RNF130: variants seen among roughly 807,000 people sequenced by gnomAD.
RNF130 encodes ring finger protein 130, also known as E3 ubiquitin-protein ligase RNF130.
In RNF130, 21 loss-of-function variants were observed where a neutral mutation model predicts 44.6. That is an observed-to-expected ratio of 0.47 (90% confidence interval 0.33 to 0.68). The LOEUF (loss-of-function observed/expected upper bound fraction) is 0.68. Among genes scored for constraint, RNF130 ranks in the 30% least tolerant of loss-of-function variants. The pLI, the probability that RNF130 is intolerant of heterozygous loss-of-function variation, is 0.02. For missense variants in RNF130, 479 were observed against 560.6 expected (o/e 0.85, Z 1.47); for synonymous variants, 214 against 210.4 (o/e 1.02, Z -0.15).
chr5:180,023,367 C>T (rs1257583593), intron 2 of RNF130, among the ~76,000 whole-genome samples: 3 of 152,178 alleles, frequency 2.0e-5, no homozygotes, highest in African/African-American at 7.2e-5. Context: ...TTTAATACCA[C>T]TCTCCAATAA....
In RNF130 at chr5:180,040,550, A is replaced by C; in HGVS notation, c.345T>G (p.Phe115Leu). 6.2e-7 allele frequency: 1 copy of C among 1,614,224 alleles called. No individual in the cohort carries two copies. Among genetic ancestry groups the C allele is most frequent in the Non-Finnish European group, 8.5e-7 (1 of 1,180,032 alleles). ...AAGCGGCCCGTGATATTTTCTCTTT[A>C]AACGTGCAGTTTCCCCTCTGCAGCA... ...IALLQRGNCTFKEKISRAAFH... is the reference protein window; with the variant it reads ...IALLQRGNCTLKEKISRAAFH... Residue 115 changes from phenylalanine to leucine, a missense_variant, in exon 2 of 9, where the codon TTT (phenylalanine) becomes TTG (leucine). Coordinates refer to ENST00000521389, the MANE Select transcript of RNF130 (RefSeq NM_018434.6).
intron 3 of RNF130, among the ~76,000 whole-genome samples, chr5:180,002,408 A>G (rs1454183476): frequency 6.6e-6 from 1 of 152,146 alleles, no homozygotes; most frequent in Non-Finnish European, 1.5e-5. Context: ...GACAAAGGGG[A>G]GCCATGACTA....
intron 3 of RNF130, among the ~76,000 whole-genome samples, chr5:179,992,755 A>T (rs1456285320): frequency 2.0e-5 from 3 of 152,144 alleles, no homozygotes; most frequent in Non-Finnish European, 4.4e-5. Context: ...TTTAAGTTCT[A>T]GGGTACATGT....
At chr5:180,015,913 AAT>A (rs1299292317) in intron 2 of RNF130, among the ~76,000 whole-genome samples, 1 of 152,248 alleles carries the variant, frequency 6.6e-6, no homozygotes, top group Non-Finnish European at 1.5e-5. Context: ...TCCATTCAAC[AAT>A]ATTTATTGAG....
chr5:179,942,452 A>G (rs1291839899), intron 7 of RNF130, among the ~76,000 whole-genome samples: 1 of 152,122 alleles, frequency 6.6e-6, no homozygotes, highest in African/African-American at 2.4e-5. Flanking sequence ...TGGAAAATCT[A>G]TAGTATTATA....
At chr5:179,929,474 G>A (rs1040183142) in intron 7 of RNF130, among the ~76,000 whole-genome samples, 4 of 152,256 alleles carry the variant, frequency 2.6e-5, no homozygotes, top group Admixed American at 6.5e-5. Flanking sequence ...CAGGCTGGGC[G>A]TGGTGGCTCA....
intron 7 of RNF130, chr5:179,939,482 C>A (rs879890943): frequency 5.0e-6 from 1 of 198,518 alleles, no homozygotes; most frequent in Admixed American, 6.1e-5. Context: ...TGCATGCAAG[C>A]GCAGCAGCTG....
chr5:179,996,462 T>C (rs1763198537), intron 3 of RNF130, among the ~76,000 whole-genome samples: 1 of 152,214 alleles, frequency 6.6e-6, no homozygotes, highest in South Asian at 2.1e-4. Flanking sequence ...GGGTAAGTCA[T>C]ATATGGCCTT....
At chr5:179,920,321 G>A in exon 8 of RNF130, 1 of 700,682 alleles carries the variant, frequency 1.4e-6, no homozygotes, top group Non-Finnish European at 2.6e-6. Context: ...TAAAATTCAG[G>A]TTTTGTTCTC....
At chr5:179,983,171 A>G (rs1582162107) in intron 3 of RNF130, among the ~76,000 whole-genome samples, 1 of 152,038 alleles carries the variant, frequency 6.6e-6, no homozygotes, top group South Asian at 2.1e-4. Flanking sequence ...TCGATTAATC[A>G]TTTTTTCATT....
rs943010473 is a variant in RNF130, at chr5:179,967,124, T to C, written c.946-114A>G. ...GTTGCAAAGACCTTACCAGGTTCTT[T>C]TCCTGTGATGTCCTCTCATTTATCT... On this transcript the variant is annotated intron_variant, in intron 6 of 8. Transcript: ENST00000521389. 42 of 863,570 alleles carry C rather than the reference T, an allele frequency of 4.9e-5. No individual in the cohort carries two copies. In the African/African-American group the frequency reaches 4.9e-4, roughly 10 times the overall value. The allele number at this position is 863,570 out of a possible 1,614,324, so 53.5% of individuals were successfully genotyped here. A position where few individuals can be genotyped will look rare whatever the true frequency, so the allele number is the denominator to read the frequency against.
Position 179,977,019 on chromosome 5 carries a change from G to C in RNF130, c.848+1184C>G, listed in dbSNP as rs1762728484. On this transcript the variant is annotated intron_variant, in intron 5 of 8. Transcript: ENST00000521389. This position sits in a 1 kb window ranked among gnomAD's most constrained non-coding sequence, Gnocchi z 4.1. ...CTGTTTCCAGGGCAACCAGGCACAG[G>C]CGAGTCCTTTCCTCATGGAGGAAGG... is the stretch of plus-strand genomic sequence containing the variant. The C allele has an allele frequency of 6.6e-6, 1 of 152,218 alleles. No homozygotes were observed. Among genetic ancestry groups the C allele is most frequent in the South Asian group, 2.1e-4 (1 of 4,832 alleles). The allele number at this position is 152,218 out of a possible 1,614,324, so 9.4% of individuals were successfully genotyped here.
chr5:179,963,858 T>C (rs573435286), intron 7 of RNF130: 20 of 355,796 alleles, frequency 5.6e-5, no homozygotes, highest in African/African-American at 4.1e-4. Flanking sequence ...AAAATATGTA[T>C]ATAAAATTGC....
chr5:179,973,650 T>C (rs73344340), intron 5 of RNF130, among the ~76,000 whole-genome samples: 1,587 of 152,272 alleles, frequency 0.01, 35 homozygotes, highest in African/African-American at 0.036. Flanking sequence ...ACCCTCACTA[T>C]GGCTCTGGGC....
intron 2 of RNF130, among the ~76,000 whole-genome samples, chr5:180,014,476 T>G (rs577090295): frequency 6.6e-6 from 1 of 152,108 alleles, no homozygotes; most frequent in South Asian, 2.1e-4. Context: ...AAAGAGAAAA[T>G]TATAACCACT....
In RNF130 at chr5:180,030,644, A is replaced by G. The variant is rs1052062971; in HGVS notation, c.442+9809T>C. Among the ~76,000 whole-genome samples, 21 of 152,068 alleles carry G rather than the reference A, an allele frequency of 1.4e-4. 1 individual carries two copies. The highest frequency in any genetic ancestry group is 5.1e-4 in the African/African-American group (21 of 41,400). On this transcript the variant is annotated intron_variant, in intron 2 of 8. Transcript: ENST00000521389. ...TGCCTCAGTCTCCGATGTAGCTGGGATTACTGATGCTTGCCAACATGCCAG... is the reference window on the plus strand; with the variant it reads ...TGCCTCAGTCTCCGATGTAGCTGGGGTTACTGATGCTTGCCAACATGCCAG...
At chr5:179,923,504 G>A (rs991976292) in intron 7 of RNF130, among the ~76,000 whole-genome samples, 1 of 152,194 alleles carries the variant, frequency 6.6e-6, no homozygotes, top group African/African-American at 2.4e-5. Flanking sequence ...TCACCTAAAT[G>A]GATGTGTGAC....
chr5:180,036,516 C>T (rs1202332952), intron 2 of RNF130, among the ~76,000 whole-genome samples: 1 of 152,230 alleles, frequency 6.6e-6, no homozygotes, highest in African/African-American at 2.4e-5. Context: ...CAGCACCCTG[C>T]TAAACCACAA....
At position 180,071,491 on chromosome 5, in the gene RNF130, C is replaced by T. The variant is rs1208216187; in HGVS notation, c.212G>A (p.Arg71His). The change falls in exon 1 of 9, where the codon CGC becomes CAC. Residue 71 changes from arginine to histidine, a missense_variant. By Grantham distance (29) the Arg-to-His change is conservative. Transcript: ENST00000521389. ...GGGCAGCGGCGCCAGCACCTGGCCG[C>T]GGACCTCGGCCTTGGGGGAGTCAAG... The part of the protein sequence containing the change: ...YGLDSPKAEV[R>H]GQVLAPLPLH... 2 of 1,261,394 alleles carry T rather than the reference C, an allele frequency of 1.6e-6. No homozygotes were observed. The highest frequency in any genetic ancestry group is 3.1e-5 in the East Asian group (1 of 32,230). The allele number at this position is 1,261,394 out of a possible 1,614,324, so 78.1% of individuals were successfully genotyped here. A position where few individuals can be genotyped will look rare whatever the true frequency, so the allele number is the denominator to read the frequency against.
Sources: gnomAD v4.1 joint callset for allele counts (sites outside exome capture counted in the v4.1 genomes callset) on GRCh38, gnomAD v4.1.1 for gene constraint, Gnocchi (gnomAD v3.1) non-coding constraint, MANE v1.5 for transcripts, NCBI Gene and HGNC (gene_info 2026-07-23, HGNC 2026-07-21) for gene names.